Variants in ANKRD46 observed in about 807,000 individuals in gnomAD.
The protein encoded by ANKRD46 is ankyrin repeat domain 46.
In ANKRD46, 13 loss-of-function variants were observed where a neutral mutation model predicts 19.8. The observed-to-expected ratio is 0.66, with a 90% CI of 0.43 to 1.04. The LOEUF (loss-of-function observed/expected upper bound fraction) is 1.04. Among genes scored for constraint, ANKRD46 ranks in the 50% least tolerant of loss-of-function variants. The pLI is 0.00. For missense variants in ANKRD46, 185 were observed against 274.8 expected (o/e 0.67, Z 2.31); for synonymous variants, 91 against 106.9 (o/e 0.85, Z 0.92).
chr8:100,542,135 A>G (rs564590990), intron 1 of ANKRD46, among the ~76,000 whole-genome samples: 2 of 152,270 alleles, frequency 1.3e-5, no homozygotes, highest in South Asian at 2.1e-4. Context: ...TGGAGGATCT[A>G]GTGGACTTCT....
Position 100,529,179 on chromosome 8 carries a change from G to A in ANKRD46, c.311+344C>T, listed in dbSNP as rs1164380981. ...TAAAATGAAAACACCTATTGTGAGAGCTCTTCATTCTGAGGACTAAATGAG... is the reference window on the plus strand; with the variant it reads ...TAAAATGAAAACACCTATTGTGAGAACTCTTCATTCTGAGGACTAAATGAG... On this transcript the variant is annotated intron_variant, in intron 3 of 4. Coordinates refer to ENST00000335659, the MANE Select transcript of ANKRD46 (RefSeq NM_001270377.2). This position sits in a 1 kb window ranked among gnomAD's most constrained non-coding sequence, Gnocchi z 5.8. Among the ~76,000 whole-genome samples the A allele has an allele frequency of 6.6e-6, 1 of 152,186 alleles. No individual in the cohort carries two copies. Among genetic ancestry groups the A allele is most frequent in the African/African-American group, 2.4e-5 (1 of 41,448 alleles).
chr8:100,520,303 T>C (rs1811699825), downstream of ANKRD46, among the ~76,000 whole-genome samples: 1 of 152,206 alleles, frequency 6.6e-6, no homozygotes, highest in Non-Finnish European at 1.5e-5. Flanking sequence ...GGCGAGGTTC[T>C]GGATAAATAT....
intron 1 of ANKRD46, among the ~76,000 whole-genome samples, chr8:100,549,459 C>CA (rs952071315): frequency 2.6e-5 from 4 of 151,912 alleles, no homozygotes; most frequent in Non-Finnish European, 5.9e-5. Context: ...AAATAATCAC[C>CA]AAAAAATTGA....
intron 1 of ANKRD46, among the ~76,000 whole-genome samples, chr8:100,555,704 C>G (rs1490254318): frequency 2.1e-5 from 1 of 46,922 alleles, no homozygotes; most frequent in Non-Finnish European, 3.8e-5. Flanking sequence ...AAGGCACCAA[C>G]TTAATATTTT....
At chr8:100,539,921 C>T (rs80145768) in intron 1 of ANKRD46, among the ~76,000 whole-genome samples, 10 of 152,222 alleles carry the variant, frequency 6.6e-5, no homozygotes, top group South Asian at 2.1e-4. Context: ...GAGTTAAGTT[C>T]ATATAATAAT....
intron 1 of ANKRD46, among the ~76,000 whole-genome samples, chr8:100,539,625 G>A (rs1168635333): frequency 1.3e-5 from 2 of 152,230 alleles, no homozygotes; most frequent in African/African-American, 4.8e-5. Flanking sequence ...TCAGTCTAAT[G>A]TGGCTGTGTC....
rs553171871 is a variant in ANKRD46 at position 100,548,916 on chromosome 8, T to G, written c.-131+10795A>C. Among the ~76,000 whole-genome samples, 8 of 152,322 alleles carry G rather than the reference T, an allele frequency of 5.3e-5. 1 individual carries two copies. Among genetic ancestry groups the G allele is most frequent in the African/African-American group, 1.9e-4 (8 of 41,598 alleles). ...GGAATATTTAGAAATAATAAACATTTGTTGACTCCTCCCATAAGCAGGTAC... is the reference window on the plus strand; with the variant it reads ...GGAATATTTAGAAATAATAAACATTGGTTGACTCCTCCCATAAGCAGGTAC... On this transcript the variant is annotated intron_variant, in intron 1 of 4. Coordinates refer to ENST00000335659, the MANE Select transcript of ANKRD46 (RefSeq NM_001270377.2).
downstream of ANKRD46, among the ~76,000 whole-genome samples, chr8:100,516,948 A>G (rs943818073): frequency 6.6e-6 from 1 of 152,216 alleles, no homozygotes; most frequent in Non-Finnish European, 1.5e-5. Flanking sequence ...GATGGTGACA[A>G]GAGACCCCGG....
rs182854174 is a variant in ANKRD46 at position 100,522,546 on chromosome 8, T to A, written c.*9A>T. On this transcript the variant is annotated 3_prime_UTR_variant, in exon 5 of 5. Coordinates refer to ENST00000335659, the MANE Select transcript of ANKRD46 (RefSeq NM_001270377.2). ...AGGCAATTAATTGCCTCATCTTCCA[T>A]GAGCTCCTTTAATGCACCAGTTCAG... The A allele has an allele frequency of 4.6e-5, 74 of 1,613,734 alleles. No homozygotes were observed. The East Asian group carries it at 1.6e-3, about 35-fold the overall frequency.
rs146226163 is a variant in ANKRD46 at position 100,537,414 on chromosome 8, T to C, written c.-130-4103A>G. Among the ~76,000 whole-genome samples, 37 of 152,338 alleles carry C rather than the reference T, an allele frequency of 2.4e-4. No individual in the cohort carries two copies. Among genetic ancestry groups the C allele is most frequent in the African/African-American group, 8.4e-4 (35 of 41,590 alleles). ...TGGAAAGATATTCTGTCAGATCTTA[T>C]TGCCTTTGCCATTTTCTAATGTCAA... On this transcript the variant is annotated intron_variant, in intron 1 of 4. Coordinates refer to ENST00000335659, the MANE Select transcript of ANKRD46 (RefSeq NM_001270377.2). The surrounding 1 kb of genome is among the most constrained non-coding windows in gnomAD (Gnocchi z 4.2).
At chr8:100,555,387 G>GA (rs1812472945) in intron 1 of ANKRD46, among the ~76,000 whole-genome samples, 3 of 147,612 alleles carry the variant, frequency 2.0e-5, no homozygotes, top group South Asian at 4.4e-4. Context: ...ATAAGAAAAT[G>GA]AAAAAAATCC....
intron 1 of ANKRD46, among the ~76,000 whole-genome samples, chr8:100,540,497 T>C (rs910569250): frequency 3.9e-5 from 6 of 152,192 alleles, no homozygotes. Flanking sequence ...TTTGGAAAAG[T>C]CTTCTACTTC....
intron 1 of ANKRD46, among the ~76,000 whole-genome samples, chr8:100,535,746 T>G (rs1333876619): frequency 1.3e-5 from 2 of 152,148 alleles, no homozygotes; most frequent in African/African-American, 4.8e-5. Context: ...AGTTTGTCCC[T>G]TTTTTATCCA....
At chr8:100,523,971 T>C (rs1345504212) in intron 4 of ANKRD46, among the ~76,000 whole-genome samples, 1 of 152,246 alleles carries the variant, frequency 6.6e-6, no homozygotes, top group Non-Finnish European at 1.5e-5. Context: ...TAATAGTTTC[T>C]TCCTATTGGT....
In ANKRD46 at chr8:100,524,774, A is replaced by C. The variant is rs1563926373; in HGVS notation, c.471-2003T>G. ...AAATGAAAATTCCATGAGCATTCTC[A>C]TTGTTCTTCAGAGCTCATGAAGCTC... On this transcript the variant is annotated intron_variant, in intron 4 of 4. Transcript: ENST00000335659. The surrounding 1 kb of genome is among the most constrained non-coding windows in gnomAD (Gnocchi z 4.3). Among the ~76,000 whole-genome samples, 1 of 152,178 alleles carries C rather than the reference A, an allele frequency of 6.6e-6. No homozygotes were observed. Among genetic ancestry groups the C allele is most frequent in the African/African-American group, 2.4e-5 (1 of 41,444 alleles).
intron 3 of ANKRD46, among the ~76,000 whole-genome samples, chr8:100,529,000 T>C (rs747023665): frequency 4.6e-5 from 7 of 152,202 alleles, no homozygotes; most frequent in Non-Finnish European, 7.3e-5. Context: ...GAAGCTCACA[T>C]GGTGCGTTAC....
chr8:100,551,193 C>A, intron 1 of ANKRD46: 1 of 443,038 alleles, frequency 2.3e-6, no homozygotes, highest in South Asian at 1.9e-5. Flanking sequence ...GGATTGTGGT[C>A]ACAAGTCCTT....
At chr8:100,512,198 C>T (rs964177265) in intron 5 of ANKRD46, among the ~76,000 whole-genome samples, 21 of 152,162 alleles carry the variant, frequency 1.4e-4, no homozygotes, top group Non-Finnish European at 2.6e-4. Context: ...GTCTGTAGAA[C>T]AGCATCATTT....
chr8:100,520,218 T>C (rs1811698112), downstream of ANKRD46, among the ~76,000 whole-genome samples: 1 of 152,028 alleles, frequency 6.6e-6, no homozygotes, highest in Non-Finnish European at 1.5e-5. Context: ...TGGGAAGATG[T>C]GTAAGAAAGG....
Sources: gnomAD v4.1 joint callset for allele counts (sites outside exome capture counted in the v4.1 genomes callset) on GRCh38, gnomAD v4.1.1 for gene constraint, Gnocchi (gnomAD v3.1) non-coding constraint, MANE v1.5 for transcripts, NCBI Gene and HGNC (gene_info 2026-07-23, HGNC 2026-07-21) for gene names.